HIBADH: variants seen among roughly 807,000 people sequenced by gnomAD.
The protein encoded by HIBADH is 3-hydroxyisobutyrate dehydrogenase, also known as 3-hydroxyisobutyrate dehydrogenase, mitochondrial.
Under a neutral mutation model 36.1 loss-of-function variants are expected in HIBADH, and 25 were observed. The ratio of observed to expected loss-of-function variants is 0.69; its 90% CI spans 0.50 to 0.97. The LOEUF (loss-of-function observed/expected upper bound fraction) is 0.97. Ranked by LOEUF, HIBADH falls within the 50% of genes least tolerant of loss-of-function variation. HIBADH has a pLI of 0.00. For synonymous variants in HIBADH, 160 were observed against 149.5 expected, an observed-to-expected ratio of 1.07 and a Z score of -0.51; for missense variants, 421 against 418.0, an observed-to-expected ratio of 1.01 and a Z score of -0.06.
intron 4 of HIBADH, among the ~76,000 whole-genome samples, chr7:27,575,054 C>T (rs900336416): frequency 6.6e-6 from 1 of 152,130 alleles, no homozygotes; most frequent in Non-Finnish European, 1.5e-5. Flanking sequence ...TAGGATATCC[C>T]ATGACCTTCC....
intron 2 of HIBADH, among the ~76,000 whole-genome samples, chr7:27,639,454 C>T (rs1301152643): frequency 6.6e-6 from 1 of 152,012 alleles, no homozygotes; most frequent in Non-Finnish European, 1.5e-5. Context: ...GAGGGAGGGA[C>T]AGAGGGTGAG....
intron 4 of HIBADH, among the ~76,000 whole-genome samples, chr7:27,587,489 A>G (rs1784882054): frequency 6.6e-6 from 1 of 152,170 alleles, no homozygotes. Flanking sequence ...AGCTTTTACT[A>G]ATACCTACTT....
chr7:27,580,461 A>G (rs139843221), intron 4 of HIBADH, among the ~76,000 whole-genome samples: 1 of 152,218 alleles, frequency 6.6e-6, no homozygotes, highest in Non-Finnish European at 1.5e-5. Context: ...ATGCTAGGAA[A>G]AGTTTTCAGG....
At chr7:27,637,761 C>T (rs1224367800) in intron 2 of HIBADH, among the ~76,000 whole-genome samples, 12 of 152,004 alleles carry the variant, frequency 7.9e-5, no homozygotes, top group Non-Finnish European at 1.3e-4. Flanking sequence ...AAAATCAATG[C>T]GCAAAAATAA....
rs1458857105 is a variant in HIBADH, at chr7:27,662,774, T to C, written c.15A>G (p.Leu5=). ...GACCGGAGGCAGCTCCGAGGAGCCG[T>C]AAGGAGGCTGCCATGCTGCGCCCGC... MAAS[L]RLLGAASGLR... is the part of the protein sequence containing the mutation. The change falls in exon 1 of 8, where the codon TTA becomes TTG. Residue 5 remains leucine (L), a synonymous_variant. Coordinates refer to ENST00000265395, the MANE Select transcript of HIBADH (RefSeq NM_152740.4). 2.0e-6 allele frequency: 3 copies of C among 1,464,026 alleles called. No homozygotes were observed. The highest frequency in any genetic ancestry group is 1.5e-5 in the African/African-American group (1 of 67,686). The allele number at this position is 1,464,026 out of a possible 1,614,324, so 90.7% of individuals were successfully genotyped here.
At chr7:27,530,575 G>A (rs1289782590) in intron 7 of HIBADH, among the ~76,000 whole-genome samples, 3 of 152,054 alleles carry the variant, frequency 2.0e-5, no homozygotes, top group South Asian at 4.1e-4. Context: ...CCTCAACTGG[G>A]AGAAAATAAG....
intron 4 of HIBADH, among the ~76,000 whole-genome samples, chr7:27,593,705 C>T (rs140253038): frequency 1.3e-5 from 2 of 151,576 alleles, no homozygotes; most frequent in East Asian, 1.9e-4. Flanking sequence ...ATAAAACTTA[C>T]AAAAAGAGGC....
At chr7:27,615,354 T>C (rs565862318) in intron 4 of HIBADH, among the ~76,000 whole-genome samples, 2 of 152,314 alleles carry the variant, frequency 1.3e-5, no homozygotes, top group South Asian at 4.1e-4. Context: ...GGCAAGTCAC[T>C]TATCCTCTTT....
At chr7:27,587,506 AAAAAG>A (rs1472551476) in intron 4 of HIBADH, among the ~76,000 whole-genome samples, 15 of 152,184 alleles carry the variant, frequency 9.9e-5, no homozygotes, top group African/African-American at 2.4e-4. Context: ...ACTTTTAAAT[AAAAAG>A]AAAAGAAGTG....
At chr7:27,590,373 T>C (rs927721682) in intron 4 of HIBADH, among the ~76,000 whole-genome samples, 5 of 152,238 alleles carry the variant, frequency 3.3e-5, no homozygotes, top group African/African-American at 1.2e-4. Flanking sequence ...TGCACTTCTA[T>C]ACTGCAATTA....
chr7:27,657,295 A>G (rs1245750869), intron 1 of HIBADH, among the ~76,000 whole-genome samples: 1 of 152,172 alleles, frequency 6.6e-6, no homozygotes, highest in Non-Finnish European at 1.5e-5. Context: ...AATAAGTTTG[A>G]GAATGGGTAC....
intron 4 of HIBADH, among the ~76,000 whole-genome samples, chr7:27,626,159 C>T (rs995747990): frequency 6.5e-5 from 9 of 137,874 alleles, no homozygotes; most frequent in Admixed American, 2.9e-4. Flanking sequence ...AAAAGAAGCA[C>T]CAACCCCATT....
chr7:27,554,205 C>T (rs923645058), intron 4 of HIBADH, among the ~76,000 whole-genome samples: 1 of 152,152 alleles, frequency 6.6e-6, no homozygotes, highest in Admixed American at 6.5e-5. Flanking sequence ...AGGCTGGTCT[C>T]GAACTCCTGA....
intron 4 of HIBADH, among the ~76,000 whole-genome samples, chr7:27,584,461 A>G (rs1784830984): frequency 6.6e-6 from 1 of 152,108 alleles, no homozygotes; most frequent in Admixed American, 6.5e-5. Context: ...CCAAAATTCT[A>G]ATTTTTACTT....
intron 7 of HIBADH, among the ~76,000 whole-genome samples, chr7:27,530,309 G>A (rs751072228): frequency 4.6e-5 from 7 of 151,980 alleles, no homozygotes; most frequent in South Asian, 2.1e-4. Flanking sequence ...GGGTTCAAGC[G>A]ATTCTCCTGC....
chr7:27,645,374 T>TTTTTTTG lies in HIBADH; in HGVS notation c.252+4098_252+4099insCAAAAAA, dbSNP rs2128296422. Among the ~76,000 whole-genome samples the TTTTTTTG allele has an allele frequency of 1.6e-5, 2 of 122,404 alleles. 1 individual carries two copies. Among genetic ancestry groups the TTTTTTTG allele is most frequent in the African/African-American group, 6.7e-5 (2 of 29,648 alleles). The allele number at this position is 122,404 out of a possible 152,430, so 80.3% of individuals were successfully genotyped here. A position where few individuals can be genotyped will look rare whatever the true frequency, so the allele number is the denominator to read the frequency against. On this transcript the variant is annotated intron_variant, in intron 2 of 7. Coordinates refer to ENST00000265395, the MANE Select transcript of HIBADH (RefSeq NM_152740.4). ...GGTGTGTCTCATGGTTTTGATTTTT[T>TTTTTTTG]TTTTTTTTTTTTTTTTTTTTTGAGA... is the stretch of plus-strand genomic sequence containing the variant.
At chr7:27,613,665 G>GTTTTTTTTTTTTTTTT (rs66518612) in intron 4 of HIBADH, among the ~76,000 whole-genome samples, 1 of 107,074 alleles carries the variant, frequency 9.3e-6, no homozygotes. Context: ...GGTTTTTTTT[G>GTTTTTTTTTTTTTTTT]TTTTTTTTTT....
intron 7 of HIBADH, among the ~76,000 whole-genome samples, chr7:27,530,866 T>C (rs754458359): frequency 3.3e-5 from 5 of 152,090 alleles, no homozygotes; most frequent in Non-Finnish European, 5.9e-5. Flanking sequence ...ATTTAAGAAG[T>C]TGGTAAATTA....
At chr7:27,575,794 AAC>A (rs1240305962) in intron 4 of HIBADH, among the ~76,000 whole-genome samples, 3 of 152,310 alleles carry the variant, frequency 2.0e-5, no homozygotes, top group Middle Eastern at 6.8e-3. Context: ...TAAGGAGGAA[AAC>A]AGTTTTTATC....
Sources: gnomAD v4.1 joint callset for allele counts (sites outside exome capture counted in the v4.1 genomes callset) on GRCh38, gnomAD v4.1.1 for gene constraint, MANE v1.5 for transcripts, NCBI Gene and HGNC (gene_info 2026-07-23, HGNC 2026-07-21) for gene names.